MACROD2: variants seen among roughly 807,000 people sequenced by gnomAD.
The protein encoded by MACROD2 is mono-ADP ribosylhydrolase 2, also known as ADP-ribose glycohydrolase MACROD2.
MACROD2 carries 36 observed loss-of-function variants against 70.4 expected under a neutral mutation model. The observed-to-expected ratio is 0.51, with a 90% confidence interval of 0.39 to 0.68. The LOEUF is 0.68. Among genes scored for constraint, MACROD2 ranks in the 30% least tolerant of loss-of-function variants. MACROD2 has a pLI of 0.00. For synonymous variants in MACROD2, 172 were observed against 178.8 expected, an observed-to-expected ratio of 0.96 and a Z score of 0.30; for missense variants, 496 against 538.4, an observed-to-expected ratio of 0.92 and a Z score of 0.78.
intron 5 of MACROD2, among the ~76,000 whole-genome samples, chr20:14,903,039 C>T (rs1285603707): frequency 8.6e-5 from 10 of 116,754 alleles, no homozygotes; most frequent in South Asian, 5.5e-4. Flanking sequence ...TTTTCTTTCC[C>T]TTTTTTTTTT....
intron 5 of MACROD2, among the ~76,000 whole-genome samples, chr20:15,021,303 C>G (rs2075181161): frequency 1.1e-5 from 1 of 92,698 alleles, no homozygotes; most frequent in African/African-American, 4.2e-5. Context: ...TGTATATGCA[C>G]ATATACATAT....
At chr20:14,345,094 A>G (rs6135125) in intron 3 of MACROD2, among the ~76,000 whole-genome samples, 24,949 of 152,222 alleles carry the variant, frequency 0.16, 2,609 homozygotes, top group East Asian at 0.31. Context: ...GCTGCCAAAA[A>G]TCCTAGTTTG....
chr20:15,557,854 C>T (rs1425687758), intron 8 of MACROD2, among the ~76,000 whole-genome samples: 2 of 152,138 alleles, frequency 1.3e-5, no homozygotes, highest in Admixed American at 1.3e-4. Context: ...CAATCTGGCA[C>T]ATTTTGCTCC....
chr20:14,087,123 G>A (rs1044180675), intron 3 of MACROD2, among the ~76,000 whole-genome samples: 2 of 152,078 alleles, frequency 1.3e-5, no homozygotes, highest in African/African-American at 4.8e-5. Flanking sequence ...AGCTGGGTGC[G>A]GTGGCTCATG....
chr20:15,057,103 T>C lies in MACROD2; in HGVS notation c.419-172837T>C, dbSNP rs1028658633. 3.3e-5 allele frequency among the ~76,000 whole-genome samples: 5 copies of C among 152,298 alleles called. No homozygotes were observed. In the East Asian group the frequency reaches 9.7e-4, roughly 29 times the overall value. On this transcript the variant is annotated intron_variant, in intron 5 of 17. Transcript: ENST00000684519. ...GTCTCATTTTATGCCCTACCATATA[T>C]ATTTTTTAAAAAAGTGTGTGTGATA...
rs147142294 is a variant in MACROD2 at position 14,708,784 on chromosome 20, A to C, written c.418+23825A>C. Among the ~76,000 whole-genome samples the C allele has an allele frequency of 7.2e-3, 1,098 of 151,876 alleles. 23 individuals carry two copies. Among genetic ancestry groups the C allele is most frequent in the African/African-American group, 0.025 (1,041 of 41,424 alleles). ...AGGTGCCCGCCACCATGCCCAGCTA[A>C]TTTTTTTGTATTTTTAGTAGAGACG... is the stretch of plus-strand genomic sequence containing the variant. On this transcript the variant is annotated intron_variant, in intron 5 of 17. Transcript: ENST00000684519.
chr20:15,882,480 G>A (rs538560001), intron 9 of MACROD2, among the ~76,000 whole-genome samples: 1 of 152,186 alleles, frequency 6.6e-6, no homozygotes, highest in African/African-American at 2.4e-5. Context: ...TTCTGCAATA[G>A]ATAATGAGAT....
At chr20:14,955,118 A>G (rs192529334) in intron 5 of MACROD2, among the ~76,000 whole-genome samples, 13,555 of 42,330 alleles carry the variant, frequency 0.32, 1,068 homozygotes, top group East Asian at 0.5. Flanking sequence ...TATTATATAT[A>G]ACTTATATAT....
intron 8 of MACROD2, among the ~76,000 whole-genome samples, chr20:15,583,370 G>C (rs766932269): frequency 1.3e-5 from 2 of 152,214 alleles, no homozygotes; most frequent in African/African-American, 2.4e-5. Context: ...TAATGTCCCT[G>C]AAGTCTCGAT....
At chr20:14,522,073 G>A (rs1006046638) in intron 4 of MACROD2, among the ~76,000 whole-genome samples, 34 of 152,128 alleles carry the variant, frequency 2.2e-4, no homozygotes, top group African/African-American at 7.2e-4. Flanking sequence ...CAGGACTCCT[G>A]CTCCCTCCCC....
chr20:14,844,457 C>A lies in MACROD2; in HGVS notation c.418+159498C>A, dbSNP rs770801918. On this transcript the variant is annotated intron_variant, in intron 5 of 17. Coordinates refer to ENST00000684519, the MANE Select transcript of MACROD2 (RefSeq NM_001351661.2). ...GCTTGAACCCAGGAGATGGATGTTGCGGTGAGCCAAGATGGCGCCACTGCA... is the reference window on the plus strand; with the variant it reads ...GCTTGAACCCAGGAGATGGATGTTGAGGTGAGCCAAGATGGCGCCACTGCA... Among the ~76,000 whole-genome samples, 10 of 151,922 alleles carry A rather than the reference C, an allele frequency of 6.6e-5. No individual in the cohort carries two copies. In the South Asian group the frequency reaches 8.3e-4, roughly 13 times the overall value.
chr20:14,392,914 C>T (rs1177292498), intron 3 of MACROD2, among the ~76,000 whole-genome samples: 1 of 152,060 alleles, frequency 6.6e-6, no homozygotes, highest in African/African-American at 2.4e-5. Context: ...GAAGCATTTC[C>T]ATAGTTAACC....
At chr20:15,706,627 T>G (rs1200605224) in intron 8 of MACROD2, among the ~76,000 whole-genome samples, 2 of 152,198 alleles carry the variant, frequency 1.3e-5, no homozygotes, top group Admixed American at 6.5e-5. Flanking sequence ...ATTCCAATGC[T>G]TTGTATTACA....
At chr20:14,910,458 CAAAT>C (rs1288244553) in intron 5 of MACROD2, among the ~76,000 whole-genome samples, 3 of 151,968 alleles carry the variant, frequency 2.0e-5, no homozygotes, top group Non-Finnish European at 4.4e-5. Context: ...CTTTTCAAAA[CAAAT>C]AAAGAAAAAA....
At chr20:16,026,486 G>T (rs1008619578) in intron 15 of MACROD2, among the ~76,000 whole-genome samples, 1 of 152,190 alleles carries the variant, frequency 6.6e-6, no homozygotes, top group African/African-American at 2.4e-5. Flanking sequence ...GACCAGGCAG[G>T]CCTGTGAAAG....
chr20:14,217,503 T>C (rs574002182), intron 3 of MACROD2, among the ~76,000 whole-genome samples: 1 of 152,246 alleles, frequency 6.6e-6, no homozygotes, highest in Non-Finnish European at 1.5e-5. Flanking sequence ...GTTTTGGTAT[T>C]AGGGTGATGC....
Position 15,213,007 on chromosome 20 carries a change from AC to A in MACROD2, c.419-16932del, listed in dbSNP as rs1417798083. Among the ~76,000 whole-genome samples, 12 of 152,314 alleles carry A rather than the reference AC, an allele frequency of 7.9e-5. No homozygotes were observed. In the East Asian group the frequency reaches 2.3e-3, roughly 29 times the overall value. On this transcript the variant is annotated intron_variant, in intron 5 of 17. Coordinates refer to ENST00000684519, the MANE Select transcript of MACROD2 (RefSeq NM_001351661.2). Reference sequence around the variant, plus strand: ...TCAAGTTTGAAAACTACTGACCAAGACTTTTAAGGAGGTGCAAAAAGAAAAG... The same window carrying A: ...TCAAGTTTGAAAACTACTGACCAAGATTTTAAGGAGGTGCAAAAAGAAAAG...
intron 8 of MACROD2, among the ~76,000 whole-genome samples, chr20:15,625,059 C>T (rs1210501257): frequency 6.6e-6 from 1 of 152,124 alleles, no homozygotes; most frequent in African/African-American, 2.4e-5. Context: ...AATAAAACCC[C>T]CTTTTCCTTC....
chr20:15,269,427 C>G (rs1418942024), intron 6 of MACROD2, among the ~76,000 whole-genome samples: 1 of 152,176 alleles, frequency 6.6e-6, no homozygotes, highest in Non-Finnish European at 1.5e-5. Context: ...GCTATGGCTC[C>G]CTTGCAGCTG....
Sources: gnomAD v4.1 joint callset for allele counts (sites outside exome capture counted in the v4.1 genomes callset) on GRCh38, gnomAD v4.1.1 for gene constraint, MANE v1.5 for transcripts, NCBI Gene and HGNC (gene_info 2026-07-23, HGNC 2026-07-21) for gene names.